The following DOCK7 variants were observed in gnomAD, a reference collection of about 807,000 sequenced individuals.
DOCK7 encodes dedicator of cytokinesis 7, also known as dedicator of cytokinesis protein 7.
A neutral mutation model predicts 271.0 loss-of-function variants in DOCK7; 138 were observed. The observed-to-expected ratio is 0.51, with a 90% CI of 0.44 to 0.59. DOCK7 has a LOEUF of 0.59. Among genes scored for constraint, DOCK7 ranks in the 20% least tolerant of loss-of-function variants. The probability of loss-of-function intolerance (pLI) is 0.00; values close to 1 mark genes in which losing one functional copy is unlikely to be tolerated. For missense variants in DOCK7, 2,066 were observed against 2,592.4 expected (o/e 0.80, Z 4.41); for synonymous variants, 823 against 876.1 (o/e 0.94, Z 1.07).
At chr1:62,457,266 A>C (rs970314112) in intron 49 of DOCK7, among the ~76,000 whole-genome samples, 1 of 152,182 alleles carries the variant, frequency 6.6e-6, no homozygotes, top group South Asian at 2.1e-4. Flanking sequence ...GAACATCCCT[A>C]ATCCAAAATT....
chr1:62,685,547 G>C (rs1216218218), intron 1 of DOCK7, among the ~76,000 whole-genome samples: 2 of 151,794 alleles, frequency 1.3e-5, no homozygotes, highest in South Asian at 4.2e-4. Flanking sequence ...CCACCCCCGG[G>C]CTCCAAATGC....
At chr1:62,597,990 G>T (rs779009755) in intron 14 of DOCK7, 2 of 1,567,624 alleles carry the variant, frequency 1.3e-6, no homozygotes, top group Non-Finnish European at 1.7e-6. Context: ...GAAATATTTA[G>T]AAGAGCAACT....
chr1:62,678,454 C>T (rs555754491), intron 1 of DOCK7, among the ~76,000 whole-genome samples: 1 of 152,098 alleles, frequency 6.6e-6, no homozygotes, highest in African/African-American at 2.4e-5. Flanking sequence ...ATGCAAGAAC[C>T]TGACAGAGCA....
chr1:62,582,482 G>A (rs370076386), intron 16 of DOCK7, among the ~76,000 whole-genome samples: 13 of 142,370 alleles, frequency 9.1e-5, no homozygotes, highest in East Asian at 6.1e-4. Flanking sequence ...CCCGGGAGGC[G>A]GAGCTTGCAG....
At chr1:62,572,632 T>A (rs1341065496) in intron 18 of DOCK7, among the ~76,000 whole-genome samples, 3 of 151,910 alleles carry the variant, frequency 2.0e-5, no homozygotes, top group Admixed American at 6.6e-5. Context: ...TTCTTGCAAC[T>A]GGGGGAGAGG....
intron 22 of DOCK7, among the ~76,000 whole-genome samples, chr1:62,548,080 A>G (rs1216805089): frequency 6.6e-6 from 1 of 152,146 alleles, no homozygotes; most frequent in African/African-American, 2.4e-5. Flanking sequence ...TAAGTTAGAC[A>G]TTACAGGTGC....
At chr1:62,545,064 T>G (rs1220981196) in intron 22 of DOCK7, 25 bp from the exon 23 acceptor site, 1 of 1,511,676 alleles carries the variant, frequency 6.6e-7, no homozygotes, top group Middle Eastern at 1.7e-4. Flanking sequence ...GAAAGCAGTT[T>G]GAAAGGAAAG....
chr1:62,682,595 CAA>C (rs368762331), intron 1 of DOCK7, among the ~76,000 whole-genome samples: 19 of 152,178 alleles, frequency 1.2e-4, no homozygotes, highest in Admixed American at 1.2e-3. Context: ...AGAAAAAAGT[CAA>C]AGTTTCCTAG....
Position 62,455,321 on chromosome 1 carries a change from G to T in DOCK7, c.*93C>A, listed in dbSNP as rs770622934. On this transcript the variant is annotated 3_prime_UTR_variant, in exon 50 of 50. Transcript: ENST00000635253. ...ATTCTTCAATGAATAATAATTTCCAGAATTCCATTCCATGTTGTTTTCCAA... is the reference window on the plus strand; with the variant it reads ...ATTCTTCAATGAATAATAATTTCCATAATTCCATTCCATGTTGTTTTCCAA... 1.3e-5 allele frequency: 17 copies of T among 1,359,590 alleles called. No homozygotes were observed. The highest frequency in any genetic ancestry group is 1.6e-5 in the Non-Finnish European group (15 of 958,798). 84.2% of individuals were successfully genotyped at this position (1,359,590 alleles called of 1,614,324 possible). A position where few individuals can be genotyped will look rare whatever the true frequency, so the allele number is the denominator to read the frequency against.
At chr1:62,477,537 T>A (rs891363190) in intron 44 of DOCK7, among the ~76,000 whole-genome samples, 163 bp downstream of exon 44, 3 of 152,312 alleles carry the variant, frequency 2.0e-5, no homozygotes, top group South Asian at 2.1e-4. Context: ...CATAAAAGAT[T>A]TGAAAGAGTA....
chr1:62,617,341 G>C (rs1652569601), intron 14 of DOCK7, among the ~76,000 whole-genome samples: 1 of 151,932 alleles, frequency 6.6e-6, no homozygotes, highest in East Asian at 1.9e-4. Flanking sequence ...TTTTCTGTTT[G>C]TAATAGAAGC....
intron 41 of DOCK7, among the ~76,000 whole-genome samples, chr1:62,489,946 G>A (rs1332255153): frequency 1.3e-5 from 2 of 151,866 alleles, no homozygotes; most frequent in Non-Finnish European, 2.9e-5. Context: ...AGAAAGTTTT[G>A]AGCCACCAGA....
chr1:62,634,138 A>T (rs1370086147), intron 9 of DOCK7, among the ~76,000 whole-genome samples: 1 of 152,138 alleles, frequency 6.6e-6, no homozygotes, highest in Non-Finnish European at 1.5e-5. Flanking sequence ...TTAAAAAAAA[A>T]TTTCATTTAT....
Position 62,647,778 on chromosome 1 carries a change from T to G in DOCK7, c.733-2A>C, listed in dbSNP as rs758235466. ...ACTAAGCCGTTCTATTGGTTCTTCC[T>G]ACAAATTGAAAAGCAACACCAAAAT... On this transcript the variant is annotated splice_acceptor_variant, in intron 6 of 49. Coordinates refer to ENST00000635253, the MANE Select transcript of DOCK7 (RefSeq NM_001367561.1). LOFTEE classifies it high-confidence loss of function. The G allele has an allele frequency of 2.5e-6, 4 of 1,596,562 alleles. No individual in the cohort carries two copies. The highest frequency in any genetic ancestry group is 3.4e-6 in the Non-Finnish European group (4 of 1,173,730).
At chr1:62,647,095 T>C (rs1461063525) in intron 7 of DOCK7, among the ~76,000 whole-genome samples, 2 of 152,206 alleles carry the variant, frequency 1.3e-5, no homozygotes, top group African/African-American at 4.8e-5. Context: ...TCCCTATGAG[T>C]TGCTTGTTTC....
chr1:62,483,209 T>TTTTTTTTTTTTTTTTTTTTTTTTTTTTTG lies in DOCK7; in HGVS notation c.5508+4188_5508+4189insCAAAAAAAAAAAAAAAAAAAAAAAAAAAA, dbSNP rs1217235928. On this transcript the variant is annotated intron_variant, in intron 43 of 49. Transcript: ENST00000635253. ...TTTTTTTTTTTTTTTTTTTTTTTTT[T>TTTTTTTTTTTTTTTTTTTTTTTTTTTTTG]TTGGGTAGAGATGAGATCTCAGTGT... 43 of 74,448 alleles carry TTTTTTTTTTTTTTTTTTTTTTTTTTTTTG rather than the reference T, an allele frequency of 5.8e-4. 12 individuals are homozygous for TTTTTTTTTTTTTTTTTTTTTTTTTTTTTG. The highest frequency in any genetic ancestry group is 9.0e-4 in the Non-Finnish European group (32 of 35,594). The allele number at this position is 74,448 out of a possible 1,614,324, so 4.6% of individuals were successfully genotyped here. A position where few individuals can be genotyped will look rare whatever the true frequency, so the allele number is the denominator to read the frequency against.
In DOCK7 at chr1:62,559,604, C is replaced by T. The variant is rs775626905; in HGVS notation, c.2200-384G>A. Among the ~76,000 whole-genome samples, 22 of 152,174 alleles carry T rather than the reference C, an allele frequency of 1.4e-4. No individual in the cohort carries two copies. The East Asian group carries it at 2.3e-3, about 16-fold the overall frequency. ...TCATCGCCATACCTTATGATACTGG[C>T]GTCATTCTTTTACTGGAGACTACCT... On this transcript the variant is annotated intron_variant, in intron 19 of 49. Transcript: ENST00000635253.
intron 48 of DOCK7, among the ~76,000 whole-genome samples, chr1:62,459,925 A>C (rs562318497): frequency 6.6e-6 from 1 of 151,920 alleles, no homozygotes; most frequent in Non-Finnish European, 1.5e-5. Context: ...GTGAAACCCC[A>C]TCTCTACTAA....
chr1:62,487,784 TAA>T (rs1157271613), intron 42 of DOCK7: 2 of 180,802 alleles, frequency 1.1e-5, no homozygotes, highest in East Asian at 2.8e-4. Flanking sequence ...CACAAATGGC[TAA>T]AAGTTTCTCA....
Sources: gnomAD v4.1 joint callset for allele counts (sites outside exome capture counted in the v4.1 genomes callset) on GRCh38, gnomAD v4.1.1 for gene constraint, MANE v1.5 for transcripts, NCBI Gene and HGNC (gene_info 2026-07-23, HGNC 2026-07-21) for gene names.